SORD: variants seen among roughly 807,000 people sequenced by gnomAD.
SORD encodes (R,R)-butanediol dehydrogenase.
SORD carries 18 observed loss-of-function variants against 35.6 expected under a neutral mutation model. The observed-to-expected ratio is 0.51, with a 90% CI of 0.35 to 0.75. SORD has a LOEUF of 0.75. Ranked by LOEUF, SORD falls within the 30% of genes least tolerant of loss-of-function variation. SORD has a pLI of 0.01. For synonymous variants in SORD, 106 were observed against 152.9 expected (o/e 0.69, Z 2.26); for missense variants, 250 against 390.2 (o/e 0.64, Z 3.03).
At chr15:45,042,641 G>A (rs369640425) in intron 2 of SORD, among the ~76,000 whole-genome samples, 2 of 152,110 alleles carry the variant, frequency 1.3e-5, no homozygotes, top group African/African-American at 2.4e-5. Context: ...CACGAATCAC[G>A]CGTAGCATAT....
chr15:45,034,956 C>A (rs533332179), intron 1 of SORD, among the ~76,000 whole-genome samples: 10 of 152,316 alleles, frequency 6.6e-5, no homozygotes, highest in African/African-American at 2.4e-4. Flanking sequence ...GGTTCCCGGG[C>A]AATGAGGGGC....
chr15:45,028,394 A>G (rs1892714970), intron 1 of SORD, among the ~76,000 whole-genome samples: 1 of 152,246 alleles, frequency 6.6e-6, no homozygotes, highest in Non-Finnish European at 1.5e-5. Flanking sequence ...TGTACATTGC[A>G]TTACAAATCA....
At chr15:45,061,003 C>G (rs918761283) in intron 3 of SORD, 64 bp from the exon 4 acceptor site, 1 of 1,605,800 alleles carries the variant, frequency 6.2e-7, no homozygotes, top group East Asian at 2.2e-5. Context: ...AAGAACCAGA[C>G]CAAAGAGCGG....
At chr15:45,035,133 C>T (rs1892842024) in intron 1 of SORD, among the ~76,000 whole-genome samples, 1 of 152,198 alleles carries the variant, frequency 6.6e-6, no homozygotes, top group South Asian at 2.1e-4. Context: ...CCGTGGGCTC[C>T]TGTGCAGCCT....
At chr15:45,044,761 C>G (rs1250309378) in intron 3 of SORD, among the ~76,000 whole-genome samples, 1 of 148,732 alleles carries the variant, frequency 6.7e-6, no homozygotes, top group Non-Finnish European at 1.5e-5. Context: ...TGCAGTGGTG[C>G]AATCTCGCCT....
At chr15:45,037,149 A>G (rs537209373) in intron 1 of SORD, among the ~76,000 whole-genome samples, 1 of 152,318 alleles carries the variant, frequency 6.6e-6, no homozygotes, top group Non-Finnish European at 1.5e-5. Flanking sequence ...CCAGAAAAAG[A>G]ATGGAAAAAG....
chr15:45,048,785 G>A (rs1400285836), intron 3 of SORD, among the ~76,000 whole-genome samples: 3 of 152,134 alleles, frequency 2.0e-5, no homozygotes, highest in Non-Finnish European at 4.4e-5. Flanking sequence ...CAGCGGGGGT[G>A]GAGGGAGGGG....
intron 2 of SORD, among the ~76,000 whole-genome samples, chr15:45,041,211 G>A (rs1278373780): frequency 3.3e-5 from 5 of 152,160 alleles, no homozygotes; most frequent in Non-Finnish European, 4.4e-5. Context: ...CATGGCAGGT[G>A]CTGTGAACAT....
At chr15:45,026,805 C>T (rs1341645856) in intron 1 of SORD, among the ~76,000 whole-genome samples, 1 of 152,218 alleles carries the variant, frequency 6.6e-6, no homozygotes, top group African/African-American at 2.4e-5. Flanking sequence ...CCACTGCTGC[C>T]ATCCTACTTG....
At chr15:45,038,408 C>T (rs145492901) in intron 1 of SORD, among the ~76,000 whole-genome samples, 2 of 152,274 alleles carry the variant, frequency 1.3e-5, no homozygotes, top group African/African-American at 4.8e-5. Flanking sequence ...ATAAAGCACA[C>T]AGTACCTGCC....
chr15:45,040,461 G>T lies in SORD; in HGVS notation c.100+20G>T, dbSNP rs375753112. ...CAAATGGTAAGTTCTTGGGAAACAT[G>T]ACTTATATTTTATTATTTCCTGTTG... On this transcript the variant is annotated intron_variant, in intron 2 of 8. Coordinates refer to ENST00000267814, the MANE Select transcript of SORD (RefSeq NM_003104.6). 2.4e-5 allele frequency: 37 copies of T among 1,562,358 alleles called. No homozygotes were observed. The highest frequency in any genetic ancestry group is 3.1e-5 in the Non-Finnish European group (35 of 1,133,496).
intron 1 of SORD, among the ~76,000 whole-genome samples, chr15:45,023,966 T>C (rs1213675753): frequency 2.6e-5 from 4 of 152,192 alleles, no homozygotes; most frequent in Non-Finnish European, 4.4e-5. Flanking sequence ...ATAGCTCCCT[T>C]GTCTGTAAGG....
intron 7 of SORD, chr15:45,070,450 A>C (rs1893492635): frequency 6.5e-6 from 1 of 153,132 alleles, no homozygotes; most frequent in Non-Finnish European, 1.5e-5. Context: ...TCCTCCTACT[A>C]AGTTGCCCAG....
At chr15:45,070,686 T>C (rs1233633958) in intron 7 of SORD, 1 of 152,292 alleles carries the variant, frequency 6.6e-6, no homozygotes, top group Non-Finnish European at 1.5e-5. Context: ...TGTGCCAGGC[T>C]TTGTGCTGGG....
chr15:45,038,309 G>A (rs963385140), intron 1 of SORD, among the ~76,000 whole-genome samples: 2 of 152,156 alleles, frequency 1.3e-5, no homozygotes, highest in Non-Finnish European at 2.9e-5. Flanking sequence ...GTTACCATGG[G>A]TGGGTTCCTC....
chr15:45,070,449 T>C (rs1893492571), intron 7 of SORD: 1 of 153,058 alleles, frequency 6.5e-6, no homozygotes, highest in Non-Finnish European at 1.5e-5. Flanking sequence ...CTCCTCCTAC[T>C]AAGTTGCCCA....
At chr15:45,066,174 A>G (rs1235518195) in intron 5 of SORD, among the ~76,000 whole-genome samples, 1 of 148,836 alleles carries the variant, frequency 6.7e-6, no homozygotes, top group Admixed American at 6.7e-5. Context: ...GAACCTGGGA[A>G]GCAGAGGTTG....
intron 3 of SORD, among the ~76,000 whole-genome samples, chr15:45,060,255 A>G (rs1310717300): frequency 1.3e-5 from 2 of 152,250 alleles, no homozygotes; most frequent in African/African-American, 4.8e-5. Context: ...AAGTGAACAT[A>G]GCTAGATGTT....
intron 2 of SORD, among the ~76,000 whole-genome samples, chr15:45,042,180 G>C (rs114208441): frequency 6.6e-6 from 1 of 152,120 alleles, no homozygotes; most frequent in Non-Finnish European, 1.5e-5. Flanking sequence ...AAGGGGCTCA[G>C]TACCATCTTT....
Sources: allele counts gnomAD v4.1 joint callset (sites outside exome capture counted in the v4.1 genomes callset), GRCh38; gene constraint gnomAD v4.1.1; transcripts MANE v1.5; gene names NCBI Gene and HGNC (gene_info 2026-07-23, HGNC 2026-07-21).